Variants in EFCAB5 observed in about 807,000 individuals in gnomAD.
EFCAB5 encodes the protein EF-hand calcium binding domain 5, also known as EF-hand calcium-binding domain-containing protein 5.
In EFCAB5, 131 loss-of-function variants were observed where a neutral mutation model predicts 167.9. The observed-to-expected ratio is 0.78, with a 90% CI of 0.68 to 0.90. EFCAB5 has a LOEUF of 0.90. EFCAB5 is among the 40% of genes least tolerant of loss of function. The pLI is 0.00. For missense variants in EFCAB5, 1,663 were observed against 1,745.2 expected (o/e 0.95, Z 0.84); for synonymous variants, 574 against 602.8 (o/e 0.95, Z 0.70).
chr17:30,051,224 G>A lies in EFCAB5; in HGVS notation c.1300+7G>A, dbSNP rs555196962. On this transcript the variant is annotated splice_region_variant and intron_variant, in intron 9 of 22. Transcript: ENST00000394835. ...CTTCGAAACCCACGACAATGTAAGT[G>A]CCGCTCAGAGGGAGTATGTTCAAGC... 1 of 1,613,230 alleles carries A rather than the reference G, an allele frequency of 6.2e-7. No individual in the cohort carries two copies. Among genetic ancestry groups the A allele is most frequent in the South Asian group, 1.1e-5 (1 of 91,062 alleles).
intron 12 of EFCAB5, among the ~76,000 whole-genome samples, chr17:30,056,940 TA>T (rs145858202): frequency 0.067 from 10,143 of 152,262 alleles, 472 homozygotes; most frequent in Middle Eastern, 0.11. Flanking sequence ...TCATTTTTTT[TA>T]ATCACATCAA....
upstream of EFCAB5, chr17:29,941,501 A>G (rs1466073826): frequency 4.9e-6 from 1 of 203,460 alleles, no homozygotes; most frequent in African/African-American, 2.4e-5. Context: ...CTGCTGCTGT[A>G]TTTTTTTTTT....
chr17:29,943,662 C>G lies in EFCAB5; in HGVS notation c.190+13C>G. The G allele has an allele frequency of 1.3e-6, 2 of 1,558,132 alleles. No homozygotes were observed. Among genetic ancestry groups the G allele is most frequent in the African/African-American group, 2.7e-5 (2 of 73,586 alleles). On this transcript the variant is annotated intron_variant, in intron 3 of 22. Coordinates refer to ENST00000394835, the MANE Select transcript of EFCAB5 (RefSeq NM_198529.4). Reference sequence around the variant, plus strand: ...ATCAAATCCCAAGGTAGAGAACTAGCCTTTCTCTTATACAATAGAATCTAA... The same window carrying G: ...ATCAAATCCCAAGGTAGAGAACTAGGCTTTCTCTTATACAATAGAATCTAA...
At position 29,999,636 on chromosome 17, in the gene EFCAB5, A is replaced by T. The variant is rs971103298; in HGVS notation, c.974-270A>T. Among the ~76,000 whole-genome samples, 5 of 152,236 alleles carry T rather than the reference A, an allele frequency of 3.3e-5. No homozygotes were observed. The South Asian group carries it at 1.0e-3, about 32-fold the overall frequency. On this transcript the variant is annotated intron_variant, in intron 6 of 22. Coordinates refer to ENST00000394835, the MANE Select transcript of EFCAB5 (RefSeq NM_198529.4). ...GTTTTTGTAGCCTTTTATACTATTG[A>T]TGTGCATATTTATTTCTGCTTTATC...
At chr17:30,065,158 G>A (rs2070530113) in intron 14 of EFCAB5, among the ~76,000 whole-genome samples, 1 of 151,964 alleles carries the variant, frequency 6.6e-6, no homozygotes, top group Non-Finnish European at 1.5e-5. Context: ...ATACACAAAG[G>A]AGAAAGAAAA....
intron 7 of EFCAB5, among the ~76,000 whole-genome samples, chr17:30,021,883 C>T (rs2069187884): frequency 6.6e-6 from 1 of 152,138 alleles, no homozygotes; most frequent in Non-Finnish European, 1.5e-5. Context: ...AGAGATGTTA[C>T]ACACAGGTGC....
intron 7 of EFCAB5, among the ~76,000 whole-genome samples, chr17:30,018,757 T>C (rs1024393008): frequency 6.6e-6 from 1 of 152,196 alleles, no homozygotes; most frequent in African/African-American, 2.4e-5. Flanking sequence ...CAGCTTGTCT[T>C]TGAGTTCTTG....
chr17:30,025,189 GCTT>G (rs2069284305), intron 7 of EFCAB5, among the ~76,000 whole-genome samples: 1 of 151,434 alleles, frequency 6.6e-6, no homozygotes, highest in African/African-American at 2.4e-5. Flanking sequence ...AAACTAAAGA[GCTT>G]CTGCACAGCA....
At chr17:30,039,598 T>C (rs1018286516) in intron 8 of EFCAB5, among the ~76,000 whole-genome samples, 1 of 152,206 alleles carries the variant, frequency 6.6e-6, no homozygotes, top group Non-Finnish European at 1.5e-5. Flanking sequence ...GGAATTTATA[T>C]GCTCAGTGGG....
intron 3 of EFCAB5, among the ~76,000 whole-genome samples, chr17:29,959,466 G>A (rs955032796): frequency 5.9e-5 from 9 of 151,472 alleles, no homozygotes; most frequent in East Asian, 2.0e-4. Context: ...AAGCCTGCAC[G>A]GCACTGGGTC....
At position 30,034,282 on chromosome 17, in the gene EFCAB5, T is replaced by C; in HGVS notation, c.1097T>C (p.Leu366Pro). 6.2e-7 allele frequency: 1 copy of C among 1,614,048 alleles called. No homozygotes were observed. Among genetic ancestry groups the C allele is most frequent in the South Asian group, 1.1e-5 (1 of 91,080 alleles). Residue 366 changes from leucine to proline, a missense_variant, in exon 8 of 23, where the codon CTT becomes CCT. Physicochemically the swap from Leu to Pro is moderately conservative, Grantham distance 98. Coordinates refer to ENST00000394835, the MANE Select transcript of EFCAB5 (RefSeq NM_198529.4). Reference protein sequence around the residue: ...DLKSEMFEELLKHLCHSADEF... With the variant: ...DLKSEMFEELPKHLCHSADEF... ...AAGAGTGAAATGTTTGAGGAACTTC[T>C]TAAGCACCTTTGCCACTCTGCAGAT...
intron 3 of EFCAB5, 64 bp from the exon 4 acceptor site, chr17:29,968,727 T>C: frequency 7.6e-7 from 1 of 1,319,894 alleles, no homozygotes; most frequent in Non-Finnish European, 1.0e-6. Context: ...AATATTATTC[T>C]AAAGTCACAT....
rs1376295215 is a variant in EFCAB5 at position 30,057,977 on chromosome 17, G to A, written c.2580+87G>A. 4 of 1,206,944 alleles carry A rather than the reference G, an allele frequency of 3.3e-6. No individual in the cohort carries two copies. The African/African-American group carries it at 6.1e-5, about 18-fold the overall frequency. The allele number at this position is 1,206,944 out of a possible 1,614,324, so 74.8% of individuals were successfully genotyped here. A position where few individuals can be genotyped will look rare whatever the true frequency, so the allele number is the denominator to read the frequency against. On this transcript the variant is annotated intron_variant, in intron 13 of 22. Transcript: ENST00000394835. ...CTCAGTTGCTCCCGATGTGGCTCGT[G>A]TTAAAAAATGTACAACCAAACTGAT...
At chr17:29,984,657 G>T (rs2068244656) in intron 4 of EFCAB5, among the ~76,000 whole-genome samples, 1 of 152,116 alleles carries the variant, frequency 6.6e-6, no homozygotes, top group Non-Finnish European at 1.5e-5. Flanking sequence ...GGCAGAGGTT[G>T]CAGTGAGCCA....
At chr17:29,955,049 T>C (rs1312035110) in intron 3 of EFCAB5, among the ~76,000 whole-genome samples, 2 of 152,230 alleles carry the variant, frequency 1.3e-5, no homozygotes, top group African/African-American at 4.8e-5. Context: ...CCCCATTGTA[T>C]CTAGGAAGTA....
intron 4 of EFCAB5, among the ~76,000 whole-genome samples, chr17:29,989,986 A>T (rs2068376738): frequency 6.6e-6 from 1 of 152,130 alleles, no homozygotes; most frequent in African/African-American, 2.4e-5. Context: ...TTCATGCATC[A>T]TATGTTGACT....
chr17:30,052,456 CACACCTGGCCAAG>C (rs1199125294), intron 9 of EFCAB5, among the ~76,000 whole-genome samples: 1 of 152,132 alleles, frequency 6.6e-6, no homozygotes, highest in African/African-American at 2.4e-5. Context: ...ATTGAGCCAC[CACACCTGGCCAAG>C]AATGTCAATA....
chr17:29,963,422 G>T (rs552416209), intron 3 of EFCAB5, among the ~76,000 whole-genome samples: 4 of 152,106 alleles, frequency 2.6e-5, no homozygotes, highest in Admixed American at 2.6e-4. Flanking sequence ...ATGTTGAAAA[G>T]GCTTTTACTA....
At chr17:29,934,209 T>C (rs992343888) in intron 1 of EFCAB5, among the ~76,000 whole-genome samples, 1 of 152,252 alleles carries the variant, frequency 6.6e-6, no homozygotes, top group Non-Finnish European at 1.5e-5. Flanking sequence ...GTAGTCATTA[T>C]TGATGAGAAT....
Sources: gnomAD v4.1 joint callset for allele counts (sites outside exome capture counted in the v4.1 genomes callset) on GRCh38, gnomAD v4.1.1 for gene constraint, MANE v1.5 for transcripts, NCBI Gene and HGNC (gene_info 2026-07-23, HGNC 2026-07-21) for gene names.